Variants in RBM19 observed in about 807,000 individuals in gnomAD.
The protein encoded by RBM19 is probable RNA-binding protein 19.
In RBM19, 94 loss-of-function variants were observed where a neutral mutation model predicts 116.8. The ratio of observed to expected loss-of-function variants is 0.80; its 90% CI spans 0.68 to 0.95. RBM19 has a LOEUF of 0.95. RBM19 is among the 40% of genes least tolerant of loss of function. The probability of loss-of-function intolerance (pLI) is 0.00; values close to 1 mark genes in which losing one functional copy is unlikely to be tolerated. For synonymous variants in RBM19, 475 were observed against 494.1 expected (o/e 0.96, Z 0.51); for missense variants, 1,161 against 1,220.7 (o/e 0.95, Z 0.73).
chr12:113,965,794 T>C (rs1408356645), intron 1 of RBM19, among the ~76,000 whole-genome samples: 1 of 152,184 alleles, frequency 6.6e-6, no homozygotes, highest in African/African-American at 2.4e-5. Flanking sequence ...CAGATTAATA[T>C]TCCCCATGTC....
Position 113,849,706 on chromosome 12 carries a change from A to C in RBM19, c.2665-4918T>G, listed in dbSNP as rs1877298786. Among the ~76,000 whole-genome samples, 3 of 152,218 alleles carry C rather than the reference A, an allele frequency of 2.0e-5. No individual in the cohort carries two copies. The South Asian group carries it at 6.2e-4, about 32-fold the overall frequency. On this transcript the variant is annotated intron_variant, in intron 22 of 23. Transcript: ENST00000261741. ...TGCTGGAGAGGCCTGAAGATCCAGC[A>C]CAGAACCCCGAGGATGCAGGAGTCC...
At chr12:113,873,689 T>TAAAAAAAA (rs146761765) in intron 21 of RBM19, among the ~76,000 whole-genome samples, 1 of 127,690 alleles carries the variant, frequency 7.8e-6, no homozygotes, top group Non-Finnish European at 1.6e-5. Flanking sequence ...AAAAATAAAT[T>TAAAAAAAA]AAAAAAAAAA....
At position 113,962,237 on chromosome 12, in the gene RBM19, T is replaced by C. The variant is rs774703802; in HGVS notation, c.214A>G (p.Ile72Val). The C allele has an allele frequency of 5.6e-6, 9 of 1,614,242 alleles. No homozygotes were observed. The highest frequency in any genetic ancestry group is 6.8e-6 in the Non-Finnish European group (8 of 1,180,024). ...TGAGACTCCTGCCCACTCACTGTGA[T>C]CCGGGATGTGTCGATGAAGCTCTTG... ...FNKSFIDTSR[I>V]TVEFCKSFGD... Residue 72 changes from isoleucine to valine, a missense_variant, in exon 2 of 24, where the codon ATC (isoleucine) becomes GTC (valine). By Grantham distance (29) the Ile-to-Val change is conservative. Transcript: ENST00000261741.
At chr12:113,952,686 C>T in intron 7 of RBM19, 96 bp from the exon 8 acceptor site, 2 of 940,962 alleles carry the variant, frequency 2.1e-6, no homozygotes, top group South Asian at 1.4e-5. Context: ...GAAAGGATTA[C>T]AAAGTGTTTC....
intron 7 of RBM19, among the ~76,000 whole-genome samples, chr12:113,954,435 C>T (rs1871736198): frequency 6.6e-6 from 1 of 152,184 alleles, no homozygotes; most frequent in Non-Finnish European, 1.5e-5. Context: ...CCCTAGTTTG[C>T]CTGGGATGAG....
downstream of RBM19, among the ~76,000 whole-genome samples, chr12:113,820,539 G>T (rs1874346380): frequency 6.6e-6 from 1 of 152,140 alleles, no homozygotes. Context: ...ATGCGTCAGG[G>T]AGGCCCTAGA....
chr12:113,830,463 T>TTG (rs1171081505), intron 23 of RBM19, among the ~76,000 whole-genome samples: 2 of 151,674 alleles, frequency 1.3e-5, no homozygotes, highest in Non-Finnish European at 2.9e-5. Context: ...TCTGGGTGTC[T>TTG]TGTGTGTGTG....
chr12:113,917,994 A>G (rs1045660718), intron 20 of RBM19, among the ~76,000 whole-genome samples: 3 of 152,228 alleles, frequency 2.0e-5, no homozygotes, highest in African/African-American at 7.2e-5. Context: ...AGCACGTCCC[A>G]TAAAGCTGAA....
In RBM19 at chr12:113,942,005, C is replaced by A. The variant is rs144173150; in HGVS notation, c.1737+319G>T. Among the ~76,000 whole-genome samples, 1,457 of 152,194 alleles carry A rather than the reference C, an allele frequency of 9.6e-3. 11 individuals are homozygous for A. Among genetic ancestry groups the A allele is most frequent in the South Asian group, 0.022 (106 of 4,820 alleles). On this transcript the variant is annotated intron_variant, in intron 14 of 23. Coordinates refer to ENST00000261741, the MANE Select transcript of RBM19 (RefSeq NM_016196.4). ...CTTCCCTGCTAGGTTCAAGAAGGGTCAAAGTCCCCGAACAGATAACAGATG... is the reference window on the plus strand; with the variant it reads ...CTTCCCTGCTAGGTTCAAGAAGGGTAAAAGTCCCCGAACAGATAACAGATG...
chr12:113,893,016 G>GT (rs1881061097), intron 21 of RBM19, among the ~76,000 whole-genome samples: 1 of 145,250 alleles, frequency 6.9e-6, no homozygotes, highest in Non-Finnish European at 1.5e-5. Flanking sequence ...TGACCACACT[G>GT]TAACTATTGA....
At chr12:113,909,894 C>T (rs1328673117) in intron 21 of RBM19, among the ~76,000 whole-genome samples, 2 of 152,212 alleles carry the variant, frequency 1.3e-5, no homozygotes, top group Non-Finnish European at 1.5e-5. Context: ...ACATACTTGA[C>T]TCATCTTTTA....
intron 11 of RBM19, 25 bp downstream of exon 11, chr12:113,947,309 T>G (rs1166846882): frequency 1.3e-6 from 2 of 1,566,786 alleles, no homozygotes; most frequent in Non-Finnish European, 1.7e-6. Context: ...CACAGCCTCC[T>G]GGCCAGCCCA....
chr12:113,927,375 G>A (rs988184108), intron 16 of RBM19, 146 bp from the exon 17 acceptor site: 6 of 907,204 alleles, frequency 6.6e-6, no homozygotes, highest in African/African-American at 3.4e-5. Flanking sequence ...AAGGGGCACC[G>A]TGATCCCCAA....
In RBM19 at chr12:113,927,189, C is replaced by A. The variant is rs1418716917; in HGVS notation, c.2109G>T (p.Glu703Asp). Residue 703 changes from glutamate (E) to aspartate (D), a missense_variant, in exon 17 of 24, where the codon GAG (glutamate) becomes GAT (aspartate). Coordinates refer to ENST00000261741, the MANE Select transcript of RBM19 (RefSeq NM_016196.4). ...GETPEDENPTEEGADNSSAKM... is the reference protein window; with the variant it reads ...GETPEDENPTDEGADNSSAKM... Reference sequence around the variant, plus strand: ...TTGCTGAAGAGTTGTCTGCTCCTTCCTCTGTTGGATTTTCATCTTCTGGGG... The same window carrying A: ...TTGCTGAAGAGTTGTCTGCTCCTTCATCTGTTGGATTTTCATCTTCTGGGG... The A allele has an allele frequency of 1.3e-6, 2 of 1,581,174 alleles. No homozygotes were observed. Among genetic ancestry groups the A allele is most frequent in the African/African-American group, 2.7e-5 (2 of 74,202 alleles).
rs2290796 is a variant in RBM19, at chr12:113,950,174, G to A, written c.1001-20C>T. ...TGTATCCTGACAGAGGACAATGACA[G>A]AGGTAAAATCTGCAGGCCTTGCAGA... On this transcript the variant is annotated intron_variant, in intron 8 of 23. Transcript: ENST00000261741. 187,886 of 1,584,106 alleles carry A rather than the reference G, an allele frequency of 0.12. 13,378 individuals are homozygous for A. The highest frequency in any genetic ancestry group is 0.33 in the African/African-American group (24,243 of 74,322).
intron 21 of RBM19, among the ~76,000 whole-genome samples, chr12:113,886,958 T>C (rs558796025): frequency 1.3e-5 from 2 of 151,890 alleles, no homozygotes; most frequent in South Asian, 4.2e-4. Context: ...GAATTCCGTG[T>C]TCATCTACAC....
intron 11 of RBM19, among the ~76,000 whole-genome samples, chr12:113,946,919 T>A (rs1173049663): frequency 6.6e-6 from 1 of 152,230 alleles, no homozygotes; most frequent in Non-Finnish European, 1.5e-5. Context: ...TGAGGATGTA[T>A]GCTAAGTATA....
chr12:113,887,407 G>T (rs1327512088), intron 21 of RBM19, among the ~76,000 whole-genome samples: 1 of 152,054 alleles, frequency 6.6e-6, no homozygotes, highest in African/African-American at 2.4e-5. Flanking sequence ...GGAGGCCGAG[G>T]TGGGCACATC....
chr12:113,843,677 C>T (rs917774531), intron 23 of RBM19, among the ~76,000 whole-genome samples: 1 of 152,186 alleles, frequency 6.6e-6, no homozygotes, highest in African/African-American at 2.4e-5. Flanking sequence ...GTCAAGTACC[C>T]CTTGATATCC....
Sources: allele counts gnomAD v4.1 joint callset (sites outside exome capture counted in the v4.1 genomes callset), GRCh38; gene constraint gnomAD v4.1.1; transcripts MANE v1.5; gene names NCBI Gene and HGNC (gene_info 2026-07-23, HGNC 2026-07-21).